The following C6orf89 variants were observed in gnomAD, a reference collection of about 807,000 sequenced individuals.
C6orf89 encodes the protein chromosome 6 open reading frame 89, also known as bombesin receptor-activated protein C6orf89.
A neutral mutation model predicts 40.7 loss-of-function variants in C6orf89; 29 were observed. The observed-to-expected ratio is 0.71, with a 90% CI of 0.53 to 0.97. The LOEUF (loss-of-function observed/expected upper bound fraction) is 0.97. Among genes scored for constraint, C6orf89 ranks in the 50% least tolerant of loss-of-function variants. The probability of loss-of-function intolerance (pLI) is 0.00; values close to 1 mark genes in which losing one functional copy is unlikely to be tolerated. For synonymous variants in C6orf89, 165 were observed against 152.2 expected (o/e 1.08, Z -0.62); for missense variants, 392 against 429.1 (o/e 0.91, Z 0.76).
At chr6:36,895,695 G>A (rs1209367081) in intron 2 of C6orf89, among the ~76,000 whole-genome samples, 1 of 151,708 alleles carries the variant, frequency 6.6e-6, no homozygotes. Context: ...CCTTTTTATC[G>A]TCCAGTGATT....
intron 7 of C6orf89, 75 bp downstream of exon 7, chr6:36,916,649 T>G: frequency 1.3e-6 from 2 of 1,570,366 alleles, no homozygotes; most frequent in Non-Finnish European, 1.7e-6. Context: ...AACCAAGGCC[T>G]TCCCTGCATA....
chr6:36,907,366 A>T (rs555303380), intron 4 of C6orf89, among the ~76,000 whole-genome samples: 2 of 152,084 alleles, frequency 1.3e-5, no homozygotes, highest in African/African-American at 4.8e-5. Context: ...GAATTCCAGG[A>T]TATGTTATGG....
chr6:36,880,593 G>GATAAA (rs58668522), intron 2 of C6orf89, among the ~76,000 whole-genome samples: 66,533 of 151,764 alleles, frequency 0.44, 15,158 homozygotes, highest in East Asian at 0.65. Context: ...AAATATTATT[G>GATAAA]ATAAAGACAT....
At chr6:36,878,733 C>T (rs547132317) in intron 1 of C6orf89, among the ~76,000 whole-genome samples, 4 of 152,290 alleles carry the variant, frequency 2.6e-5, no homozygotes, top group South Asian at 2.1e-4. Flanking sequence ...CCAATCCCAG[C>T]GGCCATACTT....
At chr6:36,893,778 A>G (rs1761314293) in intron 1 of C6orf89, among the ~76,000 whole-genome samples, 1 of 152,216 alleles carries the variant, frequency 6.6e-6, no homozygotes, top group Non-Finnish European at 1.5e-5. Flanking sequence ...TAAAAATACA[A>G]AAATTAGCTG....
chr6:36,902,071 G>A, intron 3 of C6orf89, 150 bp from the exon 4 acceptor site: 1 of 654,114 alleles, frequency 1.5e-6, no homozygotes, highest in Non-Finnish European at 2.6e-6. Flanking sequence ...AATTCTTCCA[G>A]AAGTAAACCT....
chr6:36,914,487 G>A (rs748518602), intron 5 of C6orf89, 52 bp downstream of exon 5: 294 of 1,612,528 alleles, frequency 1.8e-4, no homozygotes, highest in Admixed American at 1.8e-3. Context: ...TAAAGGCTAG[G>A]TCAAGCTCTA....
intron 4 of C6orf89, among the ~76,000 whole-genome samples, chr6:36,913,030 T>C (rs1487162271): frequency 6.6e-6 from 1 of 152,246 alleles, no homozygotes; most frequent in Non-Finnish European, 1.5e-5. Context: ...CAGAACCGTC[T>C]TCTGAAACGT....
At position 36,916,576 on chromosome 6, in the gene C6orf89, T is replaced by C. The variant is rs570245444; in HGVS notation, c.825+2T>C. The C allele has an allele frequency of 1.2e-6, 2 of 1,613,816 alleles. No individual in the cohort carries two copies. Among genetic ancestry groups the C allele is most frequent in the Non-Finnish European group, 1.7e-6 (2 of 1,179,852 alleles). The stretch of plus-strand genomic sequence containing the variant: ...CCAGAACCTGTTGTGGGGAGTAAGG[T>C]AGGAAATTTTGAGAGGACTTGGATC... On this transcript the variant is annotated splice_donor_variant, in intron 7 of 8. Coordinates refer to ENST00000480824, the MANE Select transcript of C6orf89 (RefSeq NM_001286635.2). LOFTEE classifies it high-confidence loss of function.
intron 2 of C6orf89, among the ~76,000 whole-genome samples, chr6:36,897,519 G>T (rs1013943907): frequency 9.2e-5 from 14 of 152,152 alleles, no homozygotes; most frequent in African/African-American, 3.4e-4. Flanking sequence ...TCTGAATGTG[G>T]GGGGTATAGT....
chr6:36,915,680 TG>T (rs1762288211), intron 6 of C6orf89, among the ~76,000 whole-genome samples: 1 of 148,022 alleles, frequency 6.8e-6, no homozygotes, highest in African/African-American at 2.5e-5. Flanking sequence ...CACTCCAGCC[TG>T]GGCGACAAAG....
chr6:36,905,130 G>A (rs552728419), intron 4 of C6orf89, among the ~76,000 whole-genome samples: 1 of 152,196 alleles, frequency 6.6e-6, no homozygotes, highest in East Asian at 1.9e-4. Context: ...TGTTCAGGGG[G>A]CTTTCCATAT....
Position 36,909,700 on chromosome 6 carries a change from TGAGCCC to T in C6orf89, c.404-4582_404-4577del, listed in dbSNP as rs570246472. ...TGGCAGCTGAGGTGGGAGGATCACCTGAGCCCGGGGAGGTCAAGGCCACAGTGAGCC... is the reference window on the plus strand; with the variant it reads ...TGGCAGCTGAGGTGGGAGGATCACCTGGGGAGGTCAAGGCCACAGTGAGCC... On this transcript the variant is annotated intron_variant, in intron 4 of 8. Transcript: ENST00000480824. Among the ~76,000 whole-genome samples the T allele has an allele frequency of 1.1e-3, 171 of 151,238 alleles. 1 individual carries two copies. Among genetic ancestry groups the T allele is most frequent in the African/African-American group, 4.0e-3 (164 of 41,134 alleles).
At position 36,925,305 on chromosome 6, in the gene C6orf89, C is replaced by A. The variant is rs1762643378; in HGVS notation, c.*1864C>A. 6.6e-6 allele frequency: 1 copy of A among 152,008 alleles called. No individual in the cohort carries two copies. The highest frequency in any genetic ancestry group is 6.6e-5 in the Admixed American group (1 of 15,256). The allele number at this position is 152,008 out of a possible 1,614,324, so 9.4% of individuals were successfully genotyped here. On this transcript the variant is annotated 3_prime_UTR_variant, in exon 9 of 9. Transcript: ENST00000480824. ...CTCTGAGAGTTTTTAAAAATCAGAC[C>A]CATTAACAAAAGAGAGGGTTTCTTA...
At chr6:36,888,212 A>G (rs752956385) in intron 1 of C6orf89, among the ~76,000 whole-genome samples, 3 of 152,232 alleles carry the variant, frequency 2.0e-5, no homozygotes, top group Non-Finnish European at 4.4e-5. Flanking sequence ...AGTAAGTGGT[A>G]AAATCTAGAA....
intron 3 of C6orf89, among the ~76,000 whole-genome samples, chr6:36,901,595 A>G (rs1459283673): frequency 2.0e-5 from 3 of 147,672 alleles, no homozygotes; most frequent in African/African-American, 7.4e-5. Context: ...CGGCCTCCCA[A>G]AGTGCTGGGA....
chr6:36,908,743 T>C (rs1349875798), intron 4 of C6orf89, among the ~76,000 whole-genome samples: 3 of 152,188 alleles, frequency 2.0e-5, no homozygotes, highest in Non-Finnish European at 4.4e-5. Context: ...CTCACAGTTG[T>C]GGAGTCTAGA....
intron 1 of C6orf89, among the ~76,000 whole-genome samples, chr6:36,889,575 A>C (rs1010163258): frequency 2.0e-5 from 3 of 146,706 alleles, no homozygotes; most frequent in Non-Finnish European, 3.0e-5. Context: ...AGACCAAAAA[A>C]CAAAAACAAA....
intron 3 of C6orf89, among the ~76,000 whole-genome samples, chr6:36,901,318 A>ATTTTTTTTTTTTTTTTTTTTTTTT (rs1408790414): frequency 1.2e-4 from 8 of 65,128 alleles, no homozygotes; most frequent in Non-Finnish European, 1.8e-4. Context: ...TATTATTATT[A>ATTTTTTTTTTTTTTTTTTTTTTTT]TTATTTTTTT....
Sources: allele counts gnomAD v4.1 joint callset (sites outside exome capture counted in the v4.1 genomes callset), GRCh38; gene constraint gnomAD v4.1.1; transcripts MANE v1.5; gene names NCBI Gene and HGNC (gene_info 2026-07-23, HGNC 2026-07-21).